Variants in CENPV observed in about 807,000 individuals in gnomAD.
CENPV encodes nuclear protein p30.
CENPV carries 15 observed loss-of-function variants against 26.4 expected under a neutral mutation model. The ratio of observed to expected loss-of-function variants is 0.57; its 90% CI spans 0.38 to 0.88. The LOEUF is 0.88. Ranked by LOEUF, CENPV falls within the 40% of genes least tolerant of loss-of-function variation. The pLI is 0.00. For synonymous variants in CENPV, 172 were observed against 165.5 expected (o/e 1.04, Z -0.30); for missense variants, 336 against 376.5 (o/e 0.89, Z 0.89).
chr17:16,348,750 C>T, intron 2 of CENPV, 65 bp from the exon 3 acceptor site: 2 of 1,605,404 alleles, frequency 1.2e-6, no homozygotes, highest in African/African-American at 1.3e-5. Flanking sequence ...GCCTGAGCGG[C>T]CCAGCCATGA....
intron 3 of CENPV, among the ~76,000 whole-genome samples, chr17:16,346,856 G>A (rs1019272117): frequency 6.8e-6 from 1 of 147,100 alleles, no homozygotes; most frequent in African/African-American, 2.5e-5. Context: ...GTTTTGTTTT[G>A]TTTTGTTTTT....
intron 3 of CENPV, 59 bp downstream of exon 3, chr17:16,348,557 G>A (rs2093217125): frequency 4.4e-6 from 7 of 1,605,134 alleles, no homozygotes; most frequent in South Asian, 3.3e-5. Flanking sequence ...TTGGGTGGGG[G>A]GTCCTGTAAA....
intron 4 of CENPV, 62 bp from the exon 5 acceptor site, chr17:16,343,003 C>T (rs2093189036): frequency 4.4e-6 from 7 of 1,597,752 alleles, no homozygotes; most frequent in South Asian, 3.3e-5. Context: ...GATGGTGTAC[C>T]GGCTCCTGGA....
chr17:16,352,442 G>A (rs1250593720), intron 1 of CENPV, among the ~76,000 whole-genome samples: 3 of 151,624 alleles, frequency 2.0e-5, no homozygotes. Context: ...CGAGGCCGGA[G>A]CATCTCTTCG....
At chr17:16,343,130 G>T (rs964746499) in intron 4 of CENPV, among the ~76,000 whole-genome samples, 189 bp from the exon 5 acceptor site, 4 of 152,156 alleles carry the variant, frequency 2.6e-5, no homozygotes, top group African/African-American at 9.7e-5. Flanking sequence ...GAAAGCACTG[G>T]CTCCAGCCTA....
chr17:16,352,770 C>T (rs1173029707), intron 1 of CENPV, among the ~76,000 whole-genome samples: 1 of 152,124 alleles, frequency 6.6e-6, no homozygotes, highest in African/African-American at 2.4e-5. Flanking sequence ...CCCAAGACGG[C>T]TGCGCGCGCC....
In CENPV at chr17:16,353,419, G is replaced by T. The variant is rs1411002586; in HGVS notation, c.18C>A (p.Ser6Arg). MRRSRSSAAAKLRGQK... is the reference protein window; with the variant it reads MRRSRRSAAAKLRGQK... The stretch of plus-strand genomic sequence containing the variant: ...GCCCGCGCAGCTTGGCGGCCGCAGA[G>T]CTCCTCGATCGCCGCATGGCTCCCG... The change falls in exon 1 of 5, where the codon AGC becomes AGA. Residue 6 changes from serine (S) to arginine (R), a missense_variant. This residue lies in a region of CENPV where 181 missense variants were observed against 148.8 expected (regional missense o/e 1.22). Transcript: ENST00000299736. 3 of 1,169,408 alleles carry T rather than the reference G, an allele frequency of 2.6e-6. No individual in the cohort carries two copies. Among genetic ancestry groups the T allele is most frequent in the Non-Finnish European group, 3.2e-6 (3 of 949,622 alleles). 72.4% of individuals were successfully genotyped at this position (1,169,408 alleles called of 1,614,324 possible).
At chr17:16,347,040 G>C (rs1386897566) in intron 3 of CENPV, among the ~76,000 whole-genome samples, 1 of 151,820 alleles carries the variant, frequency 6.6e-6, no homozygotes, top group African/African-American at 2.4e-5. Context: ...TGTAGACATG[G>C]GGGTCTCGCT....
At chr17:16,350,922 T>G (rs111969805) in intron 1 of CENPV, 10 of 152,234 alleles carry the variant, frequency 6.6e-5, no homozygotes, top group African/African-American at 2.4e-4. Context: ...ATAGTTGTAA[T>G]ACACATTACA....
chr17:16,349,656 A>G (rs2093221436), intron 2 of CENPV: 1 of 1,193,774 alleles, frequency 8.4e-7, no homozygotes, highest in Non-Finnish European at 1.0e-6. Flanking sequence ...CCGGCTCCTC[A>G]GCAGTGTCAG....
In CENPV at chr17:16,353,443, C is replaced by G; in HGVS notation, c.-7G>C. The G allele has an allele frequency of 2.7e-6, 3 of 1,127,158 alleles. No individual in the cohort carries two copies. The highest frequency in any genetic ancestry group is 3.3e-6 in the Non-Finnish European group (3 of 922,614). 69.8% of individuals were successfully genotyped at this position (1,127,158 alleles called of 1,614,324 possible). Reference sequence around the variant, plus strand: ...AGCTCCTCGATCGCCGCATGGCTCCCGCAGCCTGGCGCGCAGGCCTCGCAG... The same window carrying G: ...AGCTCCTCGATCGCCGCATGGCTCCGGCAGCCTGGCGCGCAGGCCTCGCAG... On this transcript the variant is annotated 5_prime_UTR_variant, in exon 1 of 5. Transcript: ENST00000299736.
In CENPV at chr17:16,353,110, G is replaced by A. The variant is rs754043461; in HGVS notation, c.327C>T (p.Gly109=). 1.3e-6 allele frequency: 2 copies of A among 1,563,748 alleles called. No individual in the cohort carries two copies. Among genetic ancestry groups the A allele is most frequent in the Non-Finnish European group, 8.6e-7 (1 of 1,157,458 alleles). ...ACGTCTCCCAGCGCTCCCGCTGCTC[G>A]CCCAGGTCCAGGTTGGACGCCGAGG... ...PTSSASNLDL[G]EQRERWETFQ... Residue 109 remains glycine (G), a synonymous_variant, in exon 1 of 5, where the codon GGC becomes GGT. Coordinates refer to ENST00000299736, the MANE Select transcript of CENPV (RefSeq NM_181716.3).
chr17:16,343,046 A>G, intron 4 of CENPV, 105 bp from the exon 5 acceptor site: 1 of 1,283,854 alleles, frequency 7.8e-7, no homozygotes, highest in South Asian at 1.3e-5. Context: ...ATCACGCTAC[A>G]CATTAGGGCT....
intron 2 of CENPV, chr17:16,349,191 G>C: frequency 8.1e-6 from 8 of 989,518 alleles, no homozygotes; most frequent in Non-Finnish European, 9.6e-6. Context: ...CTTTGAAAAA[G>C]TTCTAATTTA....
chr17:16,348,323 A>G, intron 3 of CENPV: 1 of 390,452 alleles, frequency 2.6e-6, no homozygotes, highest in Non-Finnish European at 4.0e-6. Context: ...CGCCCAGCTA[A>G]TTTTTGTATT....
chr17:16,343,002 C>G, intron 4 of CENPV, 61 bp from the exon 5 acceptor site: 1 of 1,599,320 alleles, frequency 6.3e-7, no homozygotes, highest in Non-Finnish European at 8.6e-7. Context: ...AGATGGTGTA[C>G]CGGCTCCTGG....
chr17:16,344,283 C>G, intron 4 of CENPV: 1 of 193,350 alleles, frequency 5.2e-6, no homozygotes, highest in African/African-American at 2.3e-5. Flanking sequence ...CATCTCCTCA[C>G]CCCTCTCCTC....
intron 2 of CENPV, 76 bp from the exon 3 acceptor site, chr17:16,348,761 G>C (rs1317789103): frequency 1.3e-6 from 2 of 1,597,470 alleles, no homozygotes; most frequent in East Asian, 2.3e-5. Context: ...CCAGCCATGA[G>C]AGCCAGCCGA....
At position 16,353,123 on chromosome 17, in the gene CENPV, T is replaced by A. The variant is rs1227182859; in HGVS notation, c.314A>T (p.Asn105Ile). Residue 105 changes from asparagine to isoleucine, a missense_variant, in exon 1 of 5, where the codon AAC becomes ATC. Physicochemically the swap from Asn to Ile is moderately radical, Grantham distance 149. Transcript: ENST00000299736. ...TPATPTSSAS[N>I]LDLGEQRERW... is the part of the protein sequence containing the mutation. Reference sequence around the variant, plus strand: ...CTCCCGCTGCTCGCCCAGGTCCAGGTTGGACGCCGAGGACGTCGGGGTCGC... The same window carrying A: ...CTCCCGCTGCTCGCCCAGGTCCAGGATGGACGCCGAGGACGTCGGGGTCGC... 11 of 1,531,264 alleles carry A rather than the reference T, an allele frequency of 7.2e-6. No homozygotes were observed. Among genetic ancestry groups the A allele is most frequent in the African/African-American group, 2.9e-5 (2 of 69,682 alleles). The allele number at this position is 1,531,264 out of a possible 1,614,324, so 94.9% of individuals were successfully genotyped here.
Sources: gnomAD v4.1 joint callset for allele counts (sites outside exome capture counted in the v4.1 genomes callset) on GRCh38, gnomAD v4.1.1 for gene constraint, gnomAD v4.1.1 regional missense constraint, MANE v1.5 for transcripts, NCBI Gene and HGNC (gene_info 2026-07-23, HGNC 2026-07-21) for gene names.